The following PTPRK variants were observed in gnomAD, a reference collection of about 807,000 sequenced individuals.
PTPRK encodes protein tyrosine phosphatase receptor type K, also known as receptor-type tyrosine-protein phosphatase kappa.
In PTPRK, 75 loss-of-function variants were observed where a neutral mutation model predicts 178.0. The ratio of observed to expected loss-of-function variants is 0.42; its 90% CI spans 0.35 to 0.51. The LOEUF (loss-of-function observed/expected upper bound fraction) is 0.51. PTPRK is among the 20% of genes least tolerant of loss of function. The pLI is 0.02. For synonymous variants in PTPRK, 637 were observed against 620.6 expected (o/e 1.03, Z -0.39); for missense variants, 1,441 against 1,797.8 (o/e 0.80, Z 3.59).
At chr6:128,119,664 T>C (rs1324553546) in intron 7 of PTPRK, among the ~76,000 whole-genome samples, 1 of 152,076 alleles carries the variant, frequency 6.6e-6, no homozygotes, top group Non-Finnish European at 1.5e-5. Context: ...TTCTGTTGTA[T>C]ACAGGTTTCT....
chr6:128,418,071 C>CA (rs546859484), intron 1 of PTPRK, among the ~76,000 whole-genome samples: 5 of 151,880 alleles, frequency 3.3e-5, no homozygotes, highest in South Asian at 2.1e-4. Context: ...TGTATCTCGT[C>CA]AAAAAAAATT....
At chr6:128,110,175 T>C (rs772047272) in intron 7 of PTPRK, among the ~76,000 whole-genome samples, 1 of 152,116 alleles carries the variant, frequency 6.6e-6, no homozygotes, top group African/African-American at 2.4e-5. Context: ...CCTCCCATCT[T>C]GGTCTCCAAA....
chr6:128,460,195 A>C (rs1562566220), intron 1 of PTPRK, among the ~76,000 whole-genome samples: 2 of 152,266 alleles, frequency 1.3e-5, no homozygotes, highest in Admixed American at 1.3e-4. Flanking sequence ...GTAATAATAC[A>C]TTATTGATTA....
chr6:128,109,797 T>G (rs1790340263), intron 7 of PTPRK, among the ~76,000 whole-genome samples: 1 of 152,116 alleles, frequency 6.6e-6, no homozygotes, highest in African/African-American at 2.4e-5. Flanking sequence ...AACAAAACAT[T>G]TTCCATGATA....
chr6:128,449,073 G>C (rs1847422531), intron 1 of PTPRK, among the ~76,000 whole-genome samples: 1 of 151,932 alleles, frequency 6.6e-6, no homozygotes, highest in Non-Finnish European at 1.5e-5. Context: ...TGTTGGTCAG[G>C]CTGGTCTCAA....
At chr6:128,167,200 A>G (rs1274677595) in intron 7 of PTPRK, among the ~76,000 whole-genome samples, 1 of 151,866 alleles carries the variant, frequency 6.6e-6, no homozygotes, top group East Asian at 1.9e-4. Context: ...AATGACAGAA[A>G]TATGTACACA....
chr6:128,337,706 C>T (rs1461024988), intron 2 of PTPRK, among the ~76,000 whole-genome samples: 1 of 152,164 alleles, frequency 6.6e-6, no homozygotes, highest in Non-Finnish European at 1.5e-5. Flanking sequence ...CACGAGTAAT[C>T]AAAGCAACAA....
At chr6:128,506,339 A>G (rs1856335819) in intron 1 of PTPRK, among the ~76,000 whole-genome samples, 1 of 152,106 alleles carries the variant, frequency 6.6e-6, no homozygotes, top group African/African-American at 2.4e-5. Context: ...TAGAATTTTC[A>G]TATTTTATCA....
chr6:128,159,510 C>T (rs539943142), intron 7 of PTPRK, among the ~76,000 whole-genome samples: 1 of 151,724 alleles, frequency 6.6e-6, no homozygotes, highest in East Asian at 1.9e-4. Context: ...TTCCTACTCA[C>T]GGGTTGTAAG....
intron 11 of PTPRK, among the ~76,000 whole-genome samples, chr6:128,078,435 T>C (rs1348939361): frequency 6.6e-6 from 1 of 151,916 alleles, no homozygotes. Flanking sequence ...ACTCTTACAG[T>C]AAAAGAAAAA....
chr6:128,398,644 T>C (rs1196666475), intron 1 of PTPRK, among the ~76,000 whole-genome samples: 1 of 152,204 alleles, frequency 6.6e-6, no homozygotes, highest in East Asian at 1.9e-4. Context: ...CAATGAAACA[T>C]AAAGCTTTTT....
At chr6:128,002,156 T>C (rs1777900826) in intron 15 of PTPRK, among the ~76,000 whole-genome samples, 1 of 151,518 alleles carries the variant, frequency 6.6e-6, no homozygotes, top group Non-Finnish European at 1.5e-5. Context: ...ATATTTATTT[T>C]AGTAAATAAG....
At chr6:128,520,152 G>A (rs1858812679) in intron 1 of PTPRK, 107 bp downstream of exon 1, 1 of 1,001,678 alleles carries the variant, frequency 1.0e-6, no homozygotes, top group Non-Finnish European at 1.5e-6. Flanking sequence ...CCCCCGGACA[G>A]AGAGAGCTCC....
At chr6:128,192,773 C>T (rs1455215814) in intron 6 of PTPRK, among the ~76,000 whole-genome samples, 2 of 147,996 alleles carry the variant, frequency 1.4e-5, no homozygotes, top group Non-Finnish European at 3.0e-5. Flanking sequence ...ACCAGGATCA[C>T]GCTACTGCAC....
intron 13 of PTPRK, among the ~76,000 whole-genome samples, chr6:128,056,290 A>G (rs1056709737): frequency 1.3e-5 from 2 of 152,120 alleles, no homozygotes; most frequent in East Asian, 1.9e-4. Context: ...TCAGATTTCT[A>G]TACTTACTTA....
intron 2 of PTPRK, among the ~76,000 whole-genome samples, chr6:128,372,397 A>AT (rs965127460): frequency 5.4e-4 from 82 of 152,352 alleles, no homozygotes; most frequent in African/African-American, 1.9e-3. Context: ...AATCATGTTC[A>AT]CCACAAGAAC....
Position 128,403,590 on chromosome 6 carries a change from G to C in PTPRK, c.101-5902C>G, listed in dbSNP as rs146772203. On this transcript the variant is annotated intron_variant, in intron 1 of 29. Coordinates refer to ENST00000368226, the MANE Select transcript of PTPRK (RefSeq NM_002844.4). ...AACACCCAACACAGTTTTTTTTTTG[G>C]TTAAAAAAGCATCCTTATTTTTTCA... Among the ~76,000 whole-genome samples the C allele has an allele frequency of 4.6e-3, 695 of 151,336 alleles. 3 individuals are homozygous for C. The highest frequency in any genetic ancestry group is 7.4e-3 in the Non-Finnish European group (499 of 67,784).
chr6:128,334,425 A>C (rs900144569), intron 2 of PTPRK, among the ~76,000 whole-genome samples: 11 of 152,214 alleles, frequency 7.2e-5, no homozygotes, highest in African/African-American at 2.7e-4. Context: ...ACCTAGAAGA[A>C]CTAAAGTACT....
intron 6 of PTPRK, among the ~76,000 whole-genome samples, chr6:128,191,039 C>T (rs1803702390): frequency 6.6e-6 from 1 of 151,746 alleles, no homozygotes; most frequent in African/African-American, 2.4e-5. Context: ...GCCCCCATGC[C>T]TATGCTTACA....
Sources: gnomAD v4.1 joint callset for allele counts (sites outside exome capture counted in the v4.1 genomes callset) on GRCh38, gnomAD v4.1.1 for gene constraint, MANE v1.5 for transcripts, NCBI Gene and HGNC (gene_info 2026-07-23, HGNC 2026-07-21) for gene names.